Variants in MAPK10 observed in about 807,000 individuals in gnomAD.
MAPK10 encodes the protein mitogen-activated protein kinase 10, also known as JNK3 alpha protein kinase.
A neutral mutation model predicts 59.3 loss-of-function variants in MAPK10; 25 were observed. The ratio of observed to expected loss-of-function variants is 0.42; its 90% confidence interval spans 0.31 to 0.59. The LOEUF (loss-of-function observed/expected upper bound fraction) is 0.59, where lower values mean the gene tolerates loss of function less well. Among genes scored for constraint, MAPK10 ranks in the 20% least tolerant of loss-of-function variants. The probability of loss-of-function intolerance (pLI) is 0.15; values close to 1 mark genes in which losing one functional copy is unlikely to be tolerated. For synonymous variants in MAPK10, 190 were observed against 200.5 expected, an observed-to-expected ratio of 0.95 and a Z score of 0.44; for missense variants, 351 against 568.9, an observed-to-expected ratio of 0.62 and a Z score of 3.90.
chr4:86,422,615 T>A (rs1746676999), intron 1 of MAPK10, among the ~76,000 whole-genome samples: 2 of 152,232 alleles, frequency 1.3e-5, no homozygotes, highest in Non-Finnish European at 2.9e-5. Flanking sequence ...TAGATTAACA[T>A]CATTGGCACG....
At chr4:86,376,720 A>T (rs1739870116) in intron 1 of MAPK10, among the ~76,000 whole-genome samples, 1 of 152,244 alleles carries the variant, frequency 6.6e-6, no homozygotes, top group African/African-American at 2.4e-5. Context: ...CATGAGAAAC[A>T]ACCATTCACT....
chr4:86,386,042 T>C (rs1369884241), intron 1 of MAPK10, among the ~76,000 whole-genome samples: 5 of 152,196 alleles, frequency 3.3e-5, no homozygotes, highest in African/African-American at 1.2e-4. Context: ...CCCCTGAAAG[T>C]ACAATGTACA....
chr4:86,561,656 G>A (rs1223750995), intron 1 of MAPK10, among the ~76,000 whole-genome samples: 2 of 152,178 alleles, frequency 1.3e-5, no homozygotes, highest in African/African-American at 4.8e-5. Context: ...TTGAGTAATA[G>A]TCTAATTGTT....
intron 2 of MAPK10, among the ~76,000 whole-genome samples, chr4:86,217,097 A>G (rs1226839072): frequency 1.3e-5 from 2 of 152,204 alleles, no homozygotes; most frequent in East Asian, 3.8e-4. Context: ...ATAAGGAGTC[A>G]GATCTAAATG....
At chr4:86,169,391 C>A (rs146419924) in intron 3 of MAPK10, among the ~76,000 whole-genome samples, 1 of 152,004 alleles carries the variant, frequency 6.6e-6, no homozygotes, top group African/African-American at 2.4e-5. Context: ...AGCTGAAAGC[C>A]AAGGCTCCAG....
At chr4:86,550,541 A>G (rs574497238) in intron 1 of MAPK10, among the ~76,000 whole-genome samples, 1 of 152,082 alleles carries the variant, frequency 6.6e-6, no homozygotes, top group East Asian at 1.9e-4. Context: ...TCTACTAAAA[A>G]TACAAAAATT....
chr4:86,248,015 C>T (rs2093206287), intron 2 of MAPK10, among the ~76,000 whole-genome samples: 1 of 152,224 alleles, frequency 6.6e-6, no homozygotes, highest in Non-Finnish European at 1.5e-5. Context: ...CCTCAGCCAA[C>T]ATGATCTCTG....
At position 86,321,980 on chromosome 4, in the gene MAPK10, A is replaced by T. The variant is rs138878929; in HGVS notation, c.-7+32550T>A. 2.4e-3 allele frequency: 364 copies of T among 152,200 alleles called. 3 individuals are homozygous for T. Among genetic ancestry groups the T allele is most frequent in the African/African-American group, 8.6e-3 (356 of 41,522 alleles). 9.4% of individuals were successfully genotyped at this position (152,200 alleles called of 1,614,324 possible). ...CCAAAGTGCTGGGGTTACAAGAATA[A>T]GCCGCCACACCCATCCTAGATCTCC... On this transcript the variant is annotated intron_variant, in intron 2 of 13. Coordinates refer to ENST00000641462, the MANE Select transcript of MAPK10 (RefSeq NM_138982.4).
chr4:86,433,882 C>T (rs1223955025), intron 1 of MAPK10, among the ~76,000 whole-genome samples: 1 of 152,136 alleles, frequency 6.6e-6, no homozygotes, highest in African/African-American at 2.4e-5. Context: ...GGAGCTACCA[C>T]TCCCATTTCT....
intron 2 of MAPK10, among the ~76,000 whole-genome samples, chr4:86,343,889 A>C (rs1238216929): frequency 4.2e-5 from 3 of 70,592 alleles, no homozygotes; most frequent in African/African-American, 1.1e-4. Context: ...TTTCATAAAA[A>C]GATAACTATT....
intron 1 of MAPK10, among the ~76,000 whole-genome samples, chr4:86,375,013 G>T (rs1205815617): frequency 6.6e-6 from 1 of 152,166 alleles, no homozygotes; most frequent in African/African-American, 2.4e-5. Flanking sequence ...TTCGGATATT[G>T]CTTCTGCTCT....
chr4:86,540,157 T>G (rs181764420), intron 1 of MAPK10, among the ~76,000 whole-genome samples: 1 of 152,304 alleles, frequency 6.6e-6, no homozygotes, highest in Non-Finnish European at 1.5e-5. Context: ...TAAATGTGTT[T>G]TAACTCATAG....
intron 9 of MAPK10, among the ~76,000 whole-genome samples, chr4:86,071,432 G>T (rs7667730): frequency 8.8e-6 from 1 of 114,270 alleles, no homozygotes; most frequent in Non-Finnish European, 1.9e-5. Context: ...TTTTGTTGCC[G>T]TTGCTTTTGG....
At chr4:86,547,660 A>G (rs1759341179) in intron 1 of MAPK10, among the ~76,000 whole-genome samples, 1 of 152,204 alleles carries the variant, frequency 6.6e-6, no homozygotes. Flanking sequence ...AGGGAGCTCC[A>G]CCTGCAGCCT....
intron 1 of MAPK10, among the ~76,000 whole-genome samples, chr4:86,503,537 C>A (rs1366329199): frequency 6.6e-6 from 1 of 152,090 alleles, no homozygotes; most frequent in Non-Finnish European, 1.5e-5. Flanking sequence ...TCCTTAGTAA[C>A]CTCTCCATTG....
chr4:86,571,326 ACG>A (rs1491225990), intron 1 of MAPK10, among the ~76,000 whole-genome samples: 4 of 122,138 alleles, frequency 3.3e-5, no homozygotes, highest in Non-Finnish European at 7.0e-5. Flanking sequence ...ATATATATAT[ACG>A]TGTGTGTGTG....
intron 3 of MAPK10, among the ~76,000 whole-genome samples, chr4:86,169,420 G>A (rs1355135316): frequency 5.3e-5 from 8 of 152,322 alleles, no homozygotes; most frequent in South Asian, 2.1e-4. Flanking sequence ...GAAGAATGCA[G>A]AAGCCTCAGG....
chr4:86,068,081 G>T, intron 9 of MAPK10, 126 bp from the exon 10 acceptor site: 1 of 531,056 alleles, frequency 1.9e-6, no homozygotes, highest in South Asian at 4.8e-5. Flanking sequence ...AAGCAACAAA[G>T]AATGAAAATA....
chr4:86,240,903 C>T (rs113673234), intron 2 of MAPK10, among the ~76,000 whole-genome samples: 7,082 of 152,080 alleles, frequency 0.047, 214 homozygotes, highest in African/African-American at 0.073. Context: ...GGTTATTTTA[C>T]ACACCAGTTG....
Sources: allele counts gnomAD v4.1 joint callset (sites outside exome capture counted in the v4.1 genomes callset), GRCh38; gene constraint gnomAD v4.1.1; transcripts MANE v1.5; gene names NCBI Gene and HGNC (gene_info 2026-07-23, HGNC 2026-07-21).